SLC25A26: variants seen among roughly 807,000 people sequenced by gnomAD.
SLC25A26 encodes the protein mitochondrial S-adenosylmethionine carrier protein.
In SLC25A26, 36 loss-of-function variants were observed where a neutral mutation model predicts 37.8. That is an observed-to-expected ratio of 0.95 (90% CI 0.73 to 1.26). The LOEUF is 1.26. Among genes scored for constraint, SLC25A26 ranks in the 50% most tolerant of loss-of-function variants. The pLI, the probability that SLC25A26 is intolerant of heterozygous loss-of-function variation, is 0.00. For synonymous variants in SLC25A26, 129 were observed against 122.5 expected, an observed-to-expected ratio of 1.05 and a Z score of -0.35; for missense variants, 390 against 331.1, an observed-to-expected ratio of 1.18 and a Z score of -1.38.
chr3:66,256,581 T>A (rs184586013), intron 3 of SLC25A26, among the ~76,000 whole-genome samples: 1 of 152,214 alleles, frequency 6.6e-6, no homozygotes, highest in Admixed American at 6.5e-5. Flanking sequence ...GTATAGGCAA[T>A]AAATATATGT....
intron 5 of SLC25A26, among the ~76,000 whole-genome samples, chr3:66,267,930 C>T (rs1274875521): frequency 2.0e-5 from 3 of 152,162 alleles, no homozygotes; most frequent in African/African-American, 7.2e-5. Context: ...CAAGGACTGC[C>T]CTCCAAAGTC....
At chr3:66,275,379 A>T (rs1299414134) in intron 5 of SLC25A26, among the ~76,000 whole-genome samples, 1 of 152,020 alleles carries the variant, frequency 6.6e-6, no homozygotes, top group African/African-American at 2.4e-5. Flanking sequence ...GTGCACATGT[A>T]CCCTAAAACT....
intron 1 of SLC25A26, among the ~76,000 whole-genome samples, chr3:66,195,626 C>T (rs1414145026): frequency 6.6e-6 from 1 of 152,204 alleles, no homozygotes; most frequent in African/African-American, 2.4e-5. Context: ...GCGAGGAGCG[C>T]ACGCGCTCGG....
At chr3:66,324,505 A>G (rs2075785310) in intron 5 of SLC25A26, among the ~76,000 whole-genome samples, 1 of 152,172 alleles carries the variant, frequency 6.6e-6, no homozygotes, top group Non-Finnish European at 1.5e-5. Context: ...CTCTGGCTGC[A>G]TGATTCCTGA....
intron 6 of SLC25A26, among the ~76,000 whole-genome samples, chr3:66,349,055 G>A (rs1473976203): frequency 1.3e-5 from 2 of 152,176 alleles, no homozygotes; most frequent in Non-Finnish European, 2.9e-5. Context: ...GCAAAGGAAT[G>A]TTTTGAGGCC....
chr3:66,316,195 G>C (rs1282719294), intron 5 of SLC25A26, among the ~76,000 whole-genome samples: 1 of 152,170 alleles, frequency 6.6e-6, no homozygotes, highest in African/African-American at 2.4e-5. Context: ...TGTTTATGTA[G>C]TTGCTTCATC....
At chr3:66,254,755 T>G (rs1025696919) in intron 3 of SLC25A26, among the ~76,000 whole-genome samples, 1 of 152,264 alleles carries the variant, frequency 6.6e-6, no homozygotes, top group African/African-American at 2.4e-5. Flanking sequence ...GATTTATATA[T>G]AAAATGGTGA....
chr3:66,239,274 T>G (rs1399952599), intron 2 of SLC25A26, among the ~76,000 whole-genome samples: 1 of 152,060 alleles, frequency 6.6e-6, no homozygotes, highest in Non-Finnish European at 1.5e-5. Flanking sequence ...CTTTTTTTTT[T>G]TTTGCCACAT....
intron 1 of SLC25A26, among the ~76,000 whole-genome samples, chr3:66,209,087 GA>G (rs2071232661): frequency 5.0e-5 from 2 of 39,966 alleles, no homozygotes; most frequent in East Asian, 9.0e-4. Context: ...CCCATATAAA[GA>G]TGTATATATA....
At chr3:66,232,788 T>TG (rs2072094583) in intron 1 of SLC25A26, among the ~76,000 whole-genome samples, 1 of 152,236 alleles carries the variant, frequency 6.6e-6, no homozygotes, top group South Asian at 2.1e-4. Context: ...TCCTCGGGGC[T>TG]GTTGGAAAGT....
intron 1 of SLC25A26, among the ~76,000 whole-genome samples, chr3:66,228,826 A>G (rs1553662003): frequency 6.6e-6 from 1 of 152,214 alleles, no homozygotes; most frequent in African/African-American, 2.4e-5. Flanking sequence ...CAATTTGAAC[A>G]CTTATATTTC....
chr3:66,333,488 A>G (rs1027490554), intron 5 of SLC25A26, among the ~76,000 whole-genome samples: 18 of 152,152 alleles, frequency 1.2e-4, no homozygotes, highest in African/African-American at 4.3e-4. Flanking sequence ...TCTCTGCTGT[A>G]GTTAAATCTC....
chr3:66,286,237 T>C (rs13064515), intron 5 of SLC25A26, among the ~76,000 whole-genome samples: 2 of 152,222 alleles, frequency 1.3e-5, no homozygotes, highest in Non-Finnish European at 2.9e-5. Flanking sequence ...TTATGAATTG[T>C]ACTTTGGATG....
intron 1 of SLC25A26, among the ~76,000 whole-genome samples, chr3:66,137,737 A>C (rs183381791): frequency 6.6e-6 from 1 of 151,654 alleles, no homozygotes; most frequent in Admixed American, 6.6e-5. Context: ...TTATCCCCCA[A>C]CTCCTAATAC....
At chr3:66,178,383 T>A (rs749638710) in intron 1 of SLC25A26, among the ~76,000 whole-genome samples, 5 of 152,190 alleles carry the variant, frequency 3.3e-5, no homozygotes, top group Non-Finnish European at 7.3e-5. Flanking sequence ...GAAGAGGAGC[T>A]GGCAGATGAA....
At position 66,156,934 on chromosome 3, in the gene SLC25A26, C is replaced by T. The variant is rs542862262; in HGVS notation, c.-354+22950C>T. On this transcript the variant is annotated intron_variant, in intron 1 of 10. Transcript: ENST00000676754. The stretch of plus-strand genomic sequence containing the variant: ...AACTTCAGGGCAGTTCCGTCACCAT[C>T]CTCAGAAACAACAACTGGCCGGGCA... 7.2e-5 allele frequency among the ~76,000 whole-genome samples: 11 copies of T among 152,216 alleles called. No homozygotes were observed. In the South Asian group the frequency reaches 2.3e-3, roughly 32 times the overall value.
At chr3:66,375,817 A>T (rs13071458) in intron 9 of SLC25A26, among the ~76,000 whole-genome samples, 1 of 151,546 alleles carries the variant, frequency 6.6e-6, no homozygotes, top group South Asian at 2.1e-4. Context: ...CTGTGGATCA[A>T]GGAGTTACTT....
intron 6 of SLC25A26, among the ~76,000 whole-genome samples, chr3:66,354,870 C>T (rs2076539610): frequency 6.6e-6 from 1 of 152,184 alleles, no homozygotes; most frequent in Admixed American, 6.5e-5. Flanking sequence ...CTGCCGCCAT[C>T]CACATAAAAT....
intron 1 of SLC25A26, among the ~76,000 whole-genome samples, chr3:66,169,720 A>G (rs2070469794): frequency 6.6e-6 from 1 of 152,220 alleles, no homozygotes; most frequent in Non-Finnish European, 1.5e-5. Context: ...TCTGGCTTCT[A>G]TGCAACTTCA....
Sources: allele counts gnomAD v4.1 joint callset (sites outside exome capture counted in the v4.1 genomes callset), GRCh38; gene constraint gnomAD v4.1.1; transcripts MANE v1.5; gene names NCBI Gene and HGNC (gene_info 2026-07-23, HGNC 2026-07-21).